Variants in GALNT13 observed in about 807,000 individuals in gnomAD.
GALNT13 encodes the protein polypeptide N-acetylgalactosaminyltransferase 13, also known as UDP-GalNAc:polypeptide N-acetylgalactosaminyltransferase 13.
Under a neutral mutation model 64.2 loss-of-function variants are expected in GALNT13, and 28 were observed. That is an observed-to-expected ratio of 0.44 (90% CI 0.32 to 0.60). The LOEUF is 0.60. Ranked by LOEUF, GALNT13 falls within the 20% of genes least tolerant of loss-of-function variation. GALNT13 has a pLI of 0.05. For missense variants in GALNT13, 577 were observed against 669.8 expected, an observed-to-expected ratio of 0.86 and a Z score of 1.53; for synonymous variants, 214 against 224.6, an observed-to-expected ratio of 0.95 and a Z score of 0.42.
intron 4 of GALNT13, among the ~76,000 whole-genome samples, chr2:154,227,263 G>C (rs1471643743): frequency 6.6e-6 from 1 of 152,034 alleles, no homozygotes; most frequent in Non-Finnish European, 1.5e-5. Context: ...TGGATACAAA[G>C]GCTTCATTTG....
chr2:153,496,355 A>G, the GALNT13 span, among the ~76,000 whole-genome samples: 1 of 152,188 alleles, frequency 6.6e-6, no homozygotes, highest in African/African-American at 2.4e-5. Flanking sequence ...CTTGAAATTT[A>G]CTGTATACAT....
At chr2:153,565,016 A>G in the GALNT13 span, among the ~76,000 whole-genome samples, 8 of 152,116 alleles carry the variant, frequency 5.3e-5, no homozygotes, top group Admixed American at 1.3e-4. Context: ...CATTCTTCTA[A>G]CAAGCTGAAT....
chr2:153,350,384 C>CTTTTTTTTTTTTT, the GALNT13 span, among the ~76,000 whole-genome samples: 26 of 129,962 alleles, frequency 2.0e-4, no homozygotes, highest in East Asian at 4.3e-4. Flanking sequence ...TTCTTTCTTT[C>CTTTTTTTTTTTTT]TTTTTTTTTT....
chr2:154,432,257 A>G (rs1455048880), intron 11 of GALNT13, among the ~76,000 whole-genome samples: 3 of 152,222 alleles, frequency 2.0e-5, no homozygotes, highest in African/African-American at 7.2e-5. Flanking sequence ...ATTGGAAAGT[A>G]TAACTGGATG....
rs183177080 is a variant in GALNT13 at position 154,345,989 on chromosome 2, C to T, written c.1156+44400C>T. 3.1e-4 allele frequency among the ~76,000 whole-genome samples: 47 copies of T among 152,112 alleles called. 1 individual carries two copies. In the South Asian group the frequency reaches 4.4e-3, roughly 14 times the overall value. ...TTCCATTTTAGCCTATAGTAACATT[C>T]CATTCCTATAACTGAAGCTCATATA... On this transcript the variant is annotated intron_variant, in intron 9 of 12. Coordinates refer to ENST00000392825, the MANE Select transcript of GALNT13 (RefSeq NM_052917.4).
chr2:154,332,361 A>G (rs1442747542), intron 9 of GALNT13, among the ~76,000 whole-genome samples: 1 of 152,048 alleles, frequency 6.6e-6, no homozygotes, highest in Non-Finnish European at 1.5e-5. Context: ...AAATTCTTGA[A>G]TCTCAGTGAG....
the GALNT13 span, chr2:153,421,883 A>T: frequency 8.0e-6 from 1 of 124,296 alleles, no homozygotes. Context: ...GCTTTGTTCC[A>T]GGTAGTAGAG....
At chr2:154,255,694 T>C (rs1690333463) in intron 7 of GALNT13, among the ~76,000 whole-genome samples, 1 of 152,004 alleles carries the variant, frequency 6.6e-6, no homozygotes, top group South Asian at 2.1e-4. Flanking sequence ...ATTTCATGAT[T>C]GAGATAATTT....
At chr2:154,021,562 A>T (rs1416069886) in intron 3 of GALNT13, among the ~76,000 whole-genome samples, 1 of 151,990 alleles carries the variant, frequency 6.6e-6, no homozygotes, top group Non-Finnish European at 1.5e-5. Flanking sequence ...GTATCCTGAG[A>T]CTTTGCTGAA....
rs1382683526 is a variant in GALNT13 at position 154,450,524 on chromosome 2, G to C, written c.1644G>C (p.Leu548=). 1 of 1,611,104 alleles carries C rather than the reference G, an allele frequency of 6.2e-7. No homozygotes were observed. Among genetic ancestry groups the C allele is most frequent in the Non-Finnish European group, 8.5e-7 (1 of 1,178,784 alleles). Residue 548 remains leucine (L), a synonymous_variant, in exon 13 of 13, where the codon CTG becomes CTC. Transcript: ENST00000392825. ...DCSGSRSQQW[L]LRNMTLGT ...GTGGAAGCAGATCCCAACAGTGGCT[G>C]CTAAGGAACATGACCTTGGGCACAT...
chr2:153,778,598 T>C, the GALNT13 span, among the ~76,000 whole-genome samples: 1 of 152,234 alleles, frequency 6.6e-6, no homozygotes, highest in East Asian at 1.9e-4. Context: ...TACTAAACTC[T>C]ATTTACAAGT....
intron 8 of GALNT13, among the ~76,000 whole-genome samples, chr2:154,296,005 T>C (rs1426987843): frequency 6.6e-6 from 1 of 152,228 alleles, no homozygotes; most frequent in Admixed American, 6.5e-5. Flanking sequence ...TCTTCTCTTT[T>C]CCAAGGGCCT....
At chr2:153,566,677 GA>G in the GALNT13 span, among the ~76,000 whole-genome samples, 3 of 152,114 alleles carry the variant, frequency 2.0e-5, no homozygotes, top group Non-Finnish European at 2.9e-5. Flanking sequence ...TGTAGATGAG[GA>G]AAAGTCAGGT....
chr2:153,560,283 G>C, the GALNT13 span, among the ~76,000 whole-genome samples: 20,777 of 151,914 alleles, frequency 0.14, 1,840 homozygotes, highest in African/African-American at 0.25. Context: ...TCAAGGAAAA[G>C]TTTTCAAAGG....
the GALNT13 span, among the ~76,000 whole-genome samples, chr2:153,337,329 T>G: frequency 6.6e-6 from 1 of 152,250 alleles, no homozygotes; most frequent in Non-Finnish European, 1.5e-5. Flanking sequence ...TGCCTACTCC[T>G]GTACTAAACA....
At chr2:153,579,106 T>C in the GALNT13 span, among the ~76,000 whole-genome samples, 48 of 152,312 alleles carry the variant, frequency 3.2e-4, no homozygotes, top group African/African-American at 1.2e-3. Flanking sequence ...GCTCATCCAA[T>C]GGGAAAACCT....
chr2:153,479,256 C>T, the GALNT13 span, among the ~76,000 whole-genome samples: 1 of 152,176 alleles, frequency 6.6e-6, no homozygotes, highest in Non-Finnish European at 1.5e-5. Flanking sequence ...TCCGACTCGC[C>T]TGCGTTGGAT....
At chr2:154,006,008 G>GA (rs1696224105) in intron 3 of GALNT13, among the ~76,000 whole-genome samples, 1 of 152,116 alleles carries the variant, frequency 6.6e-6, no homozygotes, top group Non-Finnish European at 1.5e-5. Context: ...AAACTTTGAG[G>GA]AAAATGGGTA....
the GALNT13 span, among the ~76,000 whole-genome samples, chr2:153,365,369 A>G: frequency 5.3e-5 from 8 of 152,220 alleles, no homozygotes; most frequent in Non-Finnish European, 8.8e-5. Context: ...AACAATTGCA[A>G]CAAAAGCCAA....
Sources: gnomAD v4.1 joint callset for allele counts (sites outside exome capture counted in the v4.1 genomes callset) on GRCh38, gnomAD v4.1.1 for gene constraint, MANE v1.5 for transcripts, NCBI Gene and HGNC (gene_info 2026-07-23, HGNC 2026-07-21) for gene names.